The following EIF4G3 variants were observed in gnomAD, a reference collection of about 807,000 sequenced individuals.
EIF4G3 encodes the protein eukaryotic translation initiation factor 4 gamma 3.
EIF4G3 carries 34 observed loss-of-function variants against 186.4 expected under a neutral mutation model. That is an observed-to-expected ratio of 0.18 (90% CI 0.14 to 0.24). The LOEUF (loss-of-function observed/expected upper bound fraction) is 0.24, where lower values mean the gene tolerates loss of function less well. Among genes scored for constraint, EIF4G3 ranks in the 10% least tolerant of loss-of-function variants. EIF4G3 has a pLI of 1.00. For missense variants in EIF4G3, 1,536 were observed against 1,948.5 expected (o/e 0.79, Z 3.99); for synonymous variants, 673 against 679.5 (o/e 0.99, Z 0.15).
At chr1:20,816,816 GAAA>G (rs2061107624) in intron 34 of EIF4G3, among the ~76,000 whole-genome samples, 1 of 94,478 alleles carries the variant, frequency 1.1e-5, no homozygotes, top group African/African-American at 3.7e-5. Context: ...GAAGGGTGGG[GAAA>G]AAATTGAGAA....
chr1:20,998,866 GC>G (rs1326051543), intron 6 of EIF4G3: 5 of 426,794 alleles, frequency 1.2e-5, no homozygotes, highest in Admixed American at 5.2e-5. Flanking sequence ...TATTTAAGGA[GC>G]AAAAATATAT....
At chr1:20,901,700 G>A (rs893034486) in intron 15 of EIF4G3, among the ~76,000 whole-genome samples, 23 of 151,676 alleles carry the variant, frequency 1.5e-4, no homozygotes, top group Admixed American at 1.5e-3. Flanking sequence ...TACTATGAGG[G>A]GTATTTGAAG....
intron 3 of EIF4G3, among the ~76,000 whole-genome samples, chr1:21,056,635 A>G (rs1032918496): frequency 2.0e-5 from 3 of 152,226 alleles, no homozygotes; most frequent in Non-Finnish European, 4.4e-5. Context: ...TGAATCCTCT[A>G]TTATCTAGCT....
At chr1:21,019,339 T>C (rs548830349) in intron 4 of EIF4G3, among the ~76,000 whole-genome samples, 60 of 152,252 alleles carry the variant, frequency 3.9e-4, no homozygotes, top group Non-Finnish European at 7.8e-4. Context: ...TGCTTGCTTG[T>C]TTCTTGTTGA....
intron 30 of EIF4G3, among the ~76,000 whole-genome samples, chr1:20,836,982 A>C (rs1038373799): frequency 1.3e-5 from 2 of 152,206 alleles, no homozygotes; most frequent in African/African-American, 4.8e-5. Context: ...CGATGGCTTG[A>C]TGTTTTCTTT....
intron 18 of EIF4G3, 145 bp from the exon 19 acceptor site, chr1:20,886,516 T>G (rs919488614): frequency 4.5e-6 from 3 of 660,578 alleles, no homozygotes; most frequent in African/African-American, 3.7e-5. Flanking sequence ...TAATCTTTTT[T>G]GGGGGTAAAA....
intron 12 of EIF4G3, 151 bp downstream of exon 12, chr1:20,969,323 A>G (rs2075353160): frequency 2.4e-6 from 2 of 823,992 alleles, no homozygotes; most frequent in South Asian, 2.8e-5. Context: ...CAAAGAGAAA[A>G]AACATGTCTG....
intron 12 of EIF4G3, among the ~76,000 whole-genome samples, chr1:20,953,088 ATTTTAGTCACT>A (rs2096282444): frequency 6.6e-6 from 1 of 152,224 alleles, no homozygotes; most frequent in Non-Finnish European, 1.5e-5. Flanking sequence ...AAGCCACTGC[ATTTTAGTCACT>A]TTCACTATTG....
At chr1:20,870,528 G>C (rs1480446392) in intron 20 of EIF4G3, among the ~76,000 whole-genome samples, 1 of 152,060 alleles carries the variant, frequency 6.6e-6, no homozygotes, top group Non-Finnish European at 1.5e-5. Context: ...TAAGCACTGG[G>C]AATTCAGCAG....
At chr1:20,812,903 G>A (rs576543412) in intron 35 of EIF4G3, among the ~76,000 whole-genome samples, 1 of 152,248 alleles carries the variant, frequency 6.6e-6, no homozygotes, top group East Asian at 1.9e-4. Context: ...AAAGCTACAC[G>A]CAACGTAGTG....
chr1:20,880,542 GA>G (rs1408165241), intron 19 of EIF4G3, among the ~76,000 whole-genome samples: 3 of 152,200 alleles, frequency 2.0e-5, no homozygotes, highest in African/African-American at 7.2e-5. Flanking sequence ...CTTGAGGCCA[GA>G]GGTTCGAGAC....
intron 31 of EIF4G3, among the ~76,000 whole-genome samples, chr1:20,828,634 T>G (rs2064272374): frequency 6.6e-6 from 1 of 152,204 alleles, no homozygotes; most frequent in African/African-American, 2.4e-5. Context: ...ACACTAGTGT[T>G]TCGAAGAACA....
intron 3 of EIF4G3, among the ~76,000 whole-genome samples, chr1:21,083,952 T>C (rs1371940194): frequency 2.0e-5 from 3 of 152,136 alleles, no homozygotes; most frequent in Non-Finnish European, 4.4e-5. Context: ...CCTTTACTCT[T>C]TTCTCTCACA....
At chr1:20,878,462 TA>T (rs1328729116) in intron 20 of EIF4G3, among the ~76,000 whole-genome samples, 1 of 152,232 alleles carries the variant, frequency 6.6e-6, no homozygotes, top group Non-Finnish European at 1.5e-5. Flanking sequence ...TGGAAATACT[TA>T]TTTTCAAATG....
At chr1:21,102,113 TGA>T (rs759980988) in intron 2 of EIF4G3, among the ~76,000 whole-genome samples, 3 of 152,106 alleles carry the variant, frequency 2.0e-5, no homozygotes, top group Non-Finnish European at 4.4e-5. Context: ...GTAAGCTATC[TGA>T]GGAAAAAAGA....
intron 4 of EIF4G3, among the ~76,000 whole-genome samples, chr1:21,015,715 GA>G (rs1266622477): frequency 7.7e-6 from 1 of 130,122 alleles, no homozygotes; most frequent in Admixed American, 8.9e-5. Context: ...TTGCAGACCA[GA>G]AGGTAGTAGA....
chr1:20,992,445 C>CT (rs2081328786), intron 7 of EIF4G3, among the ~76,000 whole-genome samples: 2 of 152,118 alleles, frequency 1.3e-5, no homozygotes, highest in African/African-American at 4.8e-5. Flanking sequence ...TCAAAAGTTT[C>CT]TTTTTCACAA....
chr1:20,904,942 A>G lies in EIF4G3; in HGVS notation c.1693T>C (p.Trp565Arg), dbSNP rs759438118. 10 of 1,613,922 alleles carry G rather than the reference A, an allele frequency of 6.2e-6. No homozygotes were observed. Among genetic ancestry groups the G allele is most frequent in the South Asian group, 4.4e-5 (4 of 91,076 alleles). The change falls in exon 15 of 37, where the codon TGG becomes CGG. Residue 565 changes from tryptophan (W) to arginine (R), a missense_variant. Coordinates refer to ENST00000602326, the MANE Select transcript of EIF4G3 (RefSeq NM_001391906.1). ...AQIAITVPKT[W>R]KKPKDRTRTT... is the part of the protein sequence containing the mutation. ...CGGGTCCGATCTTTTGGTTTCTTCC[A>G]TGTCTTTGGTACAGTTATAGCTATT...
chr1:21,098,836 T>C (rs2096450826), intron 2 of EIF4G3, among the ~76,000 whole-genome samples: 1 of 152,074 alleles, frequency 6.6e-6, no homozygotes, highest in Non-Finnish European at 1.5e-5. Context: ...GAAGTCTCGC[T>C]ATGTTGCCCA....
Sources: allele counts gnomAD v4.1 joint callset (sites outside exome capture counted in the v4.1 genomes callset), GRCh38; gene constraint gnomAD v4.1.1; transcripts MANE v1.5; gene names NCBI Gene and HGNC (gene_info 2026-07-23, HGNC 2026-07-21).